IL1RAPL1: variants seen among roughly 807,000 people sequenced by gnomAD.
IL1RAPL1 encodes the protein interleukin 1 receptor accessory protein like 1, also known as interleukin-1 receptor accessory protein-like 1.
Under a neutral mutation model 48.4 loss-of-function variants are expected in IL1RAPL1, and 3 were observed. The observed-to-expected ratio is 0.06, with a 90% confidence interval of 0.03 to 0.16. The LOEUF (loss-of-function observed/expected upper bound fraction) is 0.16, where lower values mean the gene tolerates loss of function less well. IL1RAPL1 is among the 10% of genes least tolerant of loss of function. The pLI, the probability that IL1RAPL1 is intolerant of heterozygous loss-of-function variation, is 1.00. For missense variants in IL1RAPL1, 349 were observed against 530.6 expected (o/e 0.66, Z 3.36); for synonymous variants, 185 against 187.7 (o/e 0.99, Z 0.12).
intron 5 of IL1RAPL1, among the ~76,000 whole-genome samples, chrX:29,542,602 T>G (rs1025849203): frequency 8.9e-6 from 1 of 112,031 alleles, no homozygotes; most frequent in Non-Finnish European, 1.9e-5. Flanking sequence ...AACACATAGT[T>G]TAGCACTTAA....
intron 1 of IL1RAPL1, among the ~76,000 whole-genome samples, chrX:28,617,817 T>C (rs905881110): frequency 1.8e-5 from 2 of 112,105 alleles, no homozygotes; most frequent in African/African-American, 6.5e-5. Flanking sequence ...AGAGAAATTA[T>C]TATTATTTTT....
chrX:29,769,446 T>G (rs1270361727), intron 6 of IL1RAPL1, among the ~76,000 whole-genome samples: 25 of 70,193 alleles, frequency 3.6e-4, no homozygotes, highest in African/African-American at 1.2e-3. Context: ...TTTTTTTTTT[T>G]TTTTTTTTTT....
At chrX:29,331,335 T>C (rs1382251065) in intron 3 of IL1RAPL1, among the ~76,000 whole-genome samples, 2 of 110,336 alleles carry the variant, frequency 1.8e-5, no homozygotes, top group African/African-American at 6.6e-5. Flanking sequence ...GCTCTGCCTC[T>C]CTCAGGTGTG....
chrX:28,781,774 C>A (rs190428621), intron 1 of IL1RAPL1, among the ~76,000 whole-genome samples: 3 of 110,963 alleles, frequency 2.7e-5, no homozygotes, highest in East Asian at 2.8e-4. Context: ...ATGATTGATT[C>A]CCAGTGGTTA....
chrX:29,395,205 C>T (rs1933906634), intron 3 of IL1RAPL1, among the ~76,000 whole-genome samples: 1 of 111,566 alleles, frequency 9.0e-6, no homozygotes, highest in East Asian at 2.8e-4. Flanking sequence ...AAATAAATTG[C>T]CCAGTTTTGT....
At chrX:29,619,822 A>G (rs905788584) in intron 5 of IL1RAPL1, among the ~76,000 whole-genome samples, 1 of 111,985 alleles carries the variant, frequency 8.9e-6, no homozygotes, top group Admixed American at 9.5e-5. Flanking sequence ...TTGAAGAGAC[A>G]TAAACAAAGT....
At chrX:28,962,188 A>G (rs1192633646) in intron 2 of IL1RAPL1, among the ~76,000 whole-genome samples, 1 of 111,932 alleles carries the variant, frequency 8.9e-6, no homozygotes, top group Admixed American at 9.5e-5. Flanking sequence ...ATCAGATTTG[A>G]TTTTGATAAT....
chrX:29,047,757 A>G (rs919380937), intron 2 of IL1RAPL1, among the ~76,000 whole-genome samples: 1 of 105,944 alleles, frequency 9.4e-6, no homozygotes, highest in African/African-American at 3.5e-5. Flanking sequence ...GGAGTCTCAC[A>G]CTGTCGCCTG....
intron 5 of IL1RAPL1, among the ~76,000 whole-genome samples, chrX:29,428,842 A>G (rs1934380836): frequency 1.8e-5 from 2 of 111,567 alleles, no homozygotes; most frequent in Admixed American, 9.6e-5. Flanking sequence ...CAAACCGTCA[A>G]TCAGTAGCCC....
At chrX:28,841,183 T>C (rs1921361351) in intron 2 of IL1RAPL1, among the ~76,000 whole-genome samples, 2 of 111,064 alleles carry the variant, frequency 1.8e-5, no homozygotes, top group Admixed American at 1.9e-4. Flanking sequence ...CAATACTTAA[T>C]ATTCCAGTAG....
intron 2 of IL1RAPL1, among the ~76,000 whole-genome samples, chrX:28,973,957 G>T (rs773921276): frequency 8.3e-4 from 93 of 112,539 alleles, no homozygotes; most frequent in African/African-American, 2.8e-3. Context: ...GACTCAATTA[G>T]AACATTAATT....
At chrX:29,638,419 T>C (rs1925047151) in intron 5 of IL1RAPL1, among the ~76,000 whole-genome samples, 1 of 111,403 alleles carries the variant, frequency 9.0e-6, no homozygotes, top group Non-Finnish European at 1.9e-5. Context: ...ACCTTCTGGG[T>C]CCATAGTAGA....
At chrX:29,665,955 TA>T (rs1925986175) in intron 5 of IL1RAPL1, among the ~76,000 whole-genome samples, 2 of 111,326 alleles carry the variant, frequency 1.8e-5, no homozygotes, top group Non-Finnish European at 3.8e-5. Context: ...AAGGAGCACA[TA>T]ACAAAGAATG....
intron 1 of IL1RAPL1, among the ~76,000 whole-genome samples, chrX:28,688,103 CAAA>C (rs55752146): frequency 2.0e-5 from 1 of 49,936 alleles, no homozygotes. Flanking sequence ...GACTCTGTCT[CAAA>C]AAAAAAAAAA....
At chrX:28,677,934 A>T (rs1935017163) in intron 1 of IL1RAPL1, among the ~76,000 whole-genome samples, 1 of 111,008 alleles carries the variant, frequency 9.0e-6, no homozygotes, top group Non-Finnish European at 1.9e-5. Flanking sequence ...GAGCAATGTC[A>T]TGTTGCAGCC....
At chrX:29,543,693 G>A (rs181152491) in intron 5 of IL1RAPL1, among the ~76,000 whole-genome samples, 55 of 110,506 alleles carry the variant, frequency 5.0e-4, no homozygotes, top group South Asian at 1.2e-3. Flanking sequence ...TACCTGTTTC[G>A]TAGTTGAATT....
chrX:29,375,954 C>A (rs945021446), intron 3 of IL1RAPL1, among the ~76,000 whole-genome samples: 1 of 111,256 alleles, frequency 9.0e-6, no homozygotes, highest in Admixed American at 9.6e-5. Context: ...CTGTTTTTTT[C>A]TTTGTTAATT....
intron 2 of IL1RAPL1, among the ~76,000 whole-genome samples, chrX:28,923,835 T>G (rs757063323): frequency 8.7e-4 from 97 of 111,814 alleles, no homozygotes; most frequent in Non-Finnish European, 1.7e-3. Flanking sequence ...GAAGTACTCT[T>G]GCTTCATCAA....
intron 1 of IL1RAPL1, among the ~76,000 whole-genome samples, chrX:28,654,800 T>C (rs1934731517): frequency 8.9e-6 from 1 of 112,190 alleles, no homozygotes; most frequent in Admixed American, 9.5e-5. Flanking sequence ...ATGAAGCAAC[T>C]GAGTCTCATG....
Sources: allele counts gnomAD v4.1 joint callset (sites outside exome capture counted in the v4.1 genomes callset), GRCh38; gene constraint gnomAD v4.1.1; transcripts MANE v1.5; gene names NCBI Gene and HGNC (gene_info 2026-07-23, HGNC 2026-07-21).